Variants in STIM2 observed in about 807,000 individuals in gnomAD.
STIM2 encodes stromal interaction molecule 2.
Under a neutral mutation model 85.8 loss-of-function variants are expected in STIM2, and 31 were observed. The ratio of observed to expected loss-of-function variants is 0.36; its 90% CI spans 0.27 to 0.49. The LOEUF is 0.49. Ranked by LOEUF, STIM2 falls within the 20% of genes least tolerant of loss-of-function variation. STIM2 has a pLI of 0.98. For missense variants in STIM2, 841 were observed against 927.6 expected, an observed-to-expected ratio of 0.91 and a Z score of 1.21; for synonymous variants, 356 against 331.1, an observed-to-expected ratio of 1.08 and a Z score of -0.82.
At chr4:26,975,461 C>T (rs1202355107) in intron 3 of STIM2, among the ~76,000 whole-genome samples, 1 of 152,082 alleles carries the variant, frequency 6.6e-6, no homozygotes, top group African/African-American at 2.4e-5. Context: ...TGATGCTATT[C>T]CTTTCTGTTT....
chr4:27,014,706 T>TA (rs1728678089), intron 10 of STIM2, among the ~76,000 whole-genome samples: 2 of 151,946 alleles, frequency 1.3e-5, no homozygotes, highest in Admixed American at 6.5e-5. Context: ...GGTGTTAGGA[T>TA]AAAATCTTCT....
In STIM2 at chr4:26,860,879, G is replaced by A. The variant is rs1026717126; in HGVS notation, c.-340G>A. On this transcript the variant is annotated 5_prime_UTR_variant, in exon 1 of 12. Transcript: ENST00000467087. ...CCGGTCTCGCCGCAGCAGCAGCGCG[G>A]GTGTCGTGCACCGCCTGAAGACGCC... is the stretch of plus-strand genomic sequence containing the variant. 12 of 936,196 alleles carry A rather than the reference G, an allele frequency of 1.3e-5. No homozygotes were observed. Among genetic ancestry groups the A allele is most frequent in the African/African-American group, 1.3e-4 (7 of 55,320 alleles). The allele number at this position is 936,196 out of a possible 1,614,324, so 58.0% of individuals were successfully genotyped here. A position where few individuals can be genotyped will look rare whatever the true frequency, so the allele number is the denominator to read the frequency against.
chr4:26,903,371 T>G (rs1370738150), intron 1 of STIM2, among the ~76,000 whole-genome samples: 4 of 152,352 alleles, frequency 2.6e-5, no homozygotes, highest in East Asian at 3.9e-4. Context: ...CTTGGACATT[T>G]GATTTTCGTG....
Position 26,995,362 on chromosome 4 carries a change from C to G in STIM2, c.398-17C>G. 1 of 1,427,686 alleles carries G rather than the reference C, an allele frequency of 7.0e-7. No individual in the cohort carries two copies. The allele number at this position is 1,427,686 out of a possible 1,614,324, so 88.4% of individuals were successfully genotyped here. On this transcript the variant is annotated splice_polypyrimidine_tract_variant and intron_variant, in intron 3 of 11. Transcript: ENST00000467087. ...CAGGTGTGTTTAAAATATGCATTCC[C>G]CTTTTATCTCCTGCAGTTCATAATT...
At chr4:26,922,420 A>G (rs978064444) in intron 2 of STIM2, among the ~76,000 whole-genome samples, 2 of 152,168 alleles carry the variant, frequency 1.3e-5, no homozygotes, top group African/African-American at 2.4e-5. Context: ...GTGCAGTTTT[A>G]GATTTTAACC....
chr4:26,883,435 A>T (rs750874253), intron 1 of STIM2, among the ~76,000 whole-genome samples: 2 of 152,102 alleles, frequency 1.3e-5, no homozygotes, highest in Non-Finnish European at 2.9e-5. Flanking sequence ...TATTGTATAT[A>T]ATTTGGTGTT....
At chr4:26,862,886 T>C (rs750760683) in intron 1 of STIM2, among the ~76,000 whole-genome samples, 1 of 152,170 alleles carries the variant, frequency 6.6e-6, no homozygotes, top group Non-Finnish European at 1.5e-5. Flanking sequence ...AATTTGAAGA[T>C]TTAATGCCTC....
intron 2 of STIM2, among the ~76,000 whole-genome samples, chr4:26,954,543 G>A (rs1726174659): frequency 1.3e-5 from 2 of 148,536 alleles, no homozygotes; most frequent in African/African-American, 5.1e-5. Flanking sequence ...CAAAGAAGAA[G>A]TATTTGTCTT....
rs939149982 is a variant in STIM2 at position 26,995,852 on chromosome 4, C to T, written c.509+362C>T. 2.6e-5 allele frequency among the ~76,000 whole-genome samples: 4 copies of T among 152,048 alleles called. No individual in the cohort carries two copies. In the South Asian group the frequency reaches 8.3e-4, roughly 31 times the overall value. On this transcript the variant is annotated intron_variant, in intron 4 of 11. Coordinates refer to ENST00000467087, the MANE Select transcript of STIM2 (RefSeq NM_020860.4). ...ACATCTACTTGAATGAATTAATGTG[C>T]GTCTCTTTCTTGTGACATTTTAAAT...
chr4:27,021,531 C>T (rs1728911989), intron 11 of STIM2: 1 of 456,570 alleles, frequency 2.2e-6, no homozygotes, highest in Non-Finnish European at 4.4e-6. Context: ...CAGCCAGGGA[C>T]CACATGTACA....
At chr4:26,992,925 A>G (rs541184879) in intron 3 of STIM2, among the ~76,000 whole-genome samples, 7 of 152,268 alleles carry the variant, frequency 4.6e-5, no homozygotes, top group African/African-American at 1.7e-4. Context: ...CAATTTGCTA[A>G]GCAGAGTATT....
At chr4:27,011,584 G>A (rs1728558996) in intron 10 of STIM2, among the ~76,000 whole-genome samples, 2 of 152,058 alleles carry the variant, frequency 1.3e-5, no homozygotes, top group Admixed American at 6.5e-5. Flanking sequence ...GTTTTATAAG[G>A]GTGCCTGTGT....
intron 3 of STIM2, among the ~76,000 whole-genome samples, chr4:26,973,559 T>A (rs544601614): frequency 2.0e-5 from 3 of 152,324 alleles, no homozygotes; most frequent in Non-Finnish European, 2.9e-5. Flanking sequence ...TTGAGTGAAT[T>A]TCTTAATCCT....
chr4:26,972,946 A>G lies in STIM2; in HGVS notation c.397+15220A>G, dbSNP rs150423567. Among the ~76,000 whole-genome samples, 854 of 152,282 alleles carry G rather than the reference A, an allele frequency of 5.6e-3. 9 individuals are homozygous for G. The highest frequency in any genetic ancestry group is 0.01 in the Non-Finnish European group (681 of 68,020). On this transcript the variant is annotated intron_variant, in intron 3 of 11. Coordinates refer to ENST00000467087, the MANE Select transcript of STIM2 (RefSeq NM_020860.4). Reference sequence around the variant, plus strand: ...TGTTATTGTTCCATTCAGAGATTCAACTTCTTCCTGGTTTAGTCTTGGGAG... The same window carrying G: ...TGTTATTGTTCCATTCAGAGATTCAGCTTCTTCCTGGTTTAGTCTTGGGAG...
intron 2 of STIM2, among the ~76,000 whole-genome samples, chr4:26,945,919 G>A (rs1349426488): frequency 1.3e-5 from 2 of 152,010 alleles, no homozygotes; most frequent in African/African-American, 4.8e-5. Context: ...GGAATCCATG[G>A]CATGTTTACA....
intron 1 of STIM2, among the ~76,000 whole-genome samples, chr4:26,879,318 G>T (rs1722919735): frequency 6.6e-6 from 1 of 151,798 alleles, no homozygotes; most frequent in Admixed American, 6.6e-5. Flanking sequence ...TCTAATGGTT[G>T]TGAAACTGTT....
chr4:26,874,988 A>G (rs1722765908), intron 1 of STIM2, among the ~76,000 whole-genome samples: 2 of 152,258 alleles, frequency 1.3e-5, no homozygotes, highest in Non-Finnish European at 2.9e-5. Context: ...TCTTCGTATT[A>G]TGATTGCTAC....
At chr4:26,905,096 T>TA (rs1724075755) in intron 1 of STIM2, among the ~76,000 whole-genome samples, 2 of 152,134 alleles carry the variant, frequency 1.3e-5, no homozygotes, top group South Asian at 2.1e-4. Context: ...TGAAAAAAGA[T>TA]AGGAAGGAGG....
intron 3 of STIM2, among the ~76,000 whole-genome samples, chr4:26,989,821 G>A (rs1199765913): frequency 1.3e-5 from 2 of 151,996 alleles, no homozygotes; most frequent in African/African-American, 4.8e-5. Context: ...CATTAGCAGA[G>A]ATCACTCTGA....
Sources: gnomAD v4.1 joint callset for allele counts (sites outside exome capture counted in the v4.1 genomes callset) on GRCh38, gnomAD v4.1.1 for gene constraint, MANE v1.5 for transcripts, NCBI Gene and HGNC (gene_info 2026-07-23, HGNC 2026-07-21) for gene names.